The following MACROH2A2 variants were observed in gnomAD, a reference collection of about 807,000 sequenced individuals.
MACROH2A2 encodes the protein macroH2A.2 histone.
Under a neutral mutation model 37.6 loss-of-function variants are expected in MACROH2A2, and 6 were observed. The observed-to-expected ratio is 0.16, with a 90% confidence interval of 0.09 to 0.32. MACROH2A2 has a LOEUF of 0.32. Ranked by LOEUF, MACROH2A2 falls within the 10% of genes least tolerant of loss-of-function variation. MACROH2A2 has a pLI of 1.00. For missense variants in MACROH2A2, 290 were observed against 485.9 expected, an observed-to-expected ratio of 0.60 and a Z score of 3.79; for synonymous variants, 192 against 202.7, an observed-to-expected ratio of 0.95 and a Z score of 0.45.
chr10:70,085,800 A>G (rs1352191926), intron 2 of MACROH2A2, among the ~76,000 whole-genome samples: 1 of 152,224 alleles, frequency 6.6e-6, no homozygotes, highest in Non-Finnish European at 1.5e-5. Context: ...CATTTGCAGT[A>G]GAGTAAATTT....
chr10:70,057,894 G>A (rs2072027064), intron 1 of MACROH2A2, among the ~76,000 whole-genome samples: 1 of 152,080 alleles, frequency 6.6e-6, no homozygotes, highest in South Asian at 2.1e-4. Flanking sequence ...CCCATCACAG[G>A]AAAACGAAAT....
chr10:70,075,886 GT>G lies in MACROH2A2; in HGVS notation c.172+57del. On this transcript the variant is annotated intron_variant, in intron 2 of 8. Transcript: ENST00000373255. The surrounding 1 kb of genome is among the most constrained non-coding windows in gnomAD (Gnocchi z 5.0). ...CTCCCAGGTCCCCACCCTCCCCTGG[GT>G]CCCCCTCGCAGGCTGGGGAGGGATG... 2.7e-6 allele frequency: 4 copies of G among 1,477,138 alleles called. No individual in the cohort carries two copies. The highest frequency in any genetic ancestry group is 2.8e-6 in the Non-Finnish European group (3 of 1,070,672). 91.5% of individuals were successfully genotyped at this position (1,477,138 alleles called of 1,614,324 possible).
intron 6 of MACROH2A2, among the ~76,000 whole-genome samples, chr10:70,097,024 A>G (rs2072280333): frequency 6.6e-6 from 1 of 152,200 alleles, no homozygotes; most frequent in Admixed American, 6.5e-5. Context: ...TAGTAATGAA[A>G]TTTTTATGTA....
At chr10:70,060,378 GAAAGAA>G (rs985439787) in intron 1 of MACROH2A2, among the ~76,000 whole-genome samples, 3 of 150,466 alleles carry the variant, frequency 2.0e-5, no homozygotes, top group Non-Finnish European at 4.4e-5. Context: ...AAAAAAAAAA[GAAAGAA>G]AAAGAAAAAA....
chr10:70,087,236 C>CTT (rs573916118), intron 2 of MACROH2A2, among the ~76,000 whole-genome samples: 3 of 138,716 alleles, frequency 2.2e-5, no homozygotes, highest in African/African-American at 2.6e-5. Context: ...TTTCTTTCTT[C>CTT]TTTTTTTTTT....
At position 70,111,846 on chromosome 10, in the gene MACROH2A2, G is replaced by C; in HGVS notation, c.*163G>C. On this transcript the variant is annotated 3_prime_UTR_variant, in exon 9 of 9. Coordinates refer to ENST00000373255, the MANE Select transcript of MACROH2A2 (RefSeq NM_018649.3). ...CTGCCCTTCACACTCTCCTCCAAAA[G>C]AGCCTCCATCTGTAAGGAAGCAGGT... The C allele has an allele frequency of 2.1e-6, 1 of 469,918 alleles. No homozygotes were observed. 29.1% of individuals were successfully genotyped at this position (469,918 alleles called of 1,614,324 possible).
Position 70,068,400 on chromosome 10 carries a change from C to T in MACROH2A2, c.-59-7200C>T, listed in dbSNP as rs76140029. Among the ~76,000 whole-genome samples, 721 of 152,224 alleles carry T rather than the reference C, an allele frequency of 4.7e-3. 11 individuals are homozygous for T. In the East Asian group the frequency reaches 0.062, roughly 13 times the overall value. ...TTAATAAGTATTCATGTTCTAACAT[C>T]GTACTAGCCATATGGGAAAATAATA... On this transcript the variant is annotated intron_variant, in intron 1 of 8. Coordinates refer to ENST00000373255, the MANE Select transcript of MACROH2A2 (RefSeq NM_018649.3).
intron 2 of MACROH2A2, among the ~76,000 whole-genome samples, chr10:70,078,322 A>G (rs2072153051): frequency 6.6e-6 from 1 of 152,216 alleles, no homozygotes; most frequent in Non-Finnish European, 1.5e-5. Flanking sequence ...CAAGGGTGCC[A>G]TTGCCAAAGT....
intron 3 of MACROH2A2, among the ~76,000 whole-genome samples, chr10:70,091,410 C>A (rs938036049): frequency 6.6e-6 from 1 of 152,078 alleles, no homozygotes; most frequent in Non-Finnish European, 1.5e-5. Flanking sequence ...GCACAGTGGC[C>A]CACGCCTGTA....
chr10:70,075,697 G>A lies in MACROH2A2; in HGVS notation c.39G>A (p.Leu13=), dbSNP rs914253508. 1 of 1,614,192 alleles carries A rather than the reference G, an allele frequency of 6.2e-7. No individual in the cohort carries two copies. Among genetic ancestry groups the A allele is most frequent in the Admixed American group, 1.7e-5 (1 of 60,024 alleles). The change falls in exon 2 of 9, where the codon CTG becomes CTA. Residue 13 remains leucine, a synonymous_variant. Transcript: ENST00000373255. The surrounding 1 kb of genome is among the most constrained non-coding windows in gnomAD (Gnocchi z 5.0). ...GTGGGAAGAAGAAAATGTCCAAGCT[G>A]TCCCGTTCAGCTAGGGCAGGTGTCA... ...GRSGKKKMSK[L]SRSARAGVIF...
intron 2 of MACROH2A2, among the ~76,000 whole-genome samples, 194 bp from the exon 3 acceptor site, chr10:70,089,866 G>T (rs1005545158): frequency 6.6e-6 from 1 of 152,004 alleles, no homozygotes; most frequent in African/African-American, 2.4e-5. Flanking sequence ...GGGCTCAAGC[G>T]ATCCTCCTGC....
At chr10:70,080,324 G>A (rs2072168571) in intron 2 of MACROH2A2, among the ~76,000 whole-genome samples, 1 of 151,808 alleles carries the variant, frequency 6.6e-6, no homozygotes, top group Non-Finnish European at 1.5e-5. Flanking sequence ...AGAAGAGAGA[G>A]CAAAGCAGCT....
intron 1 of MACROH2A2, among the ~76,000 whole-genome samples, chr10:70,058,048 C>A (rs890635173): frequency 6.6e-6 from 1 of 152,192 alleles, no homozygotes; most frequent in Non-Finnish European, 1.5e-5. Flanking sequence ...TCAGATGATA[C>A]TCAGCTTAAT....
intron 7 of MACROH2A2, 107 bp downstream of exon 7, chr10:70,100,404 C>A: frequency 1.6e-6 from 1 of 622,800 alleles, no homozygotes; most frequent in South Asian, 2.2e-5. Flanking sequence ...CAAAGTATGC[C>A]ATAACTAATC....
chr10:70,078,280 A>G (rs1014254808), intron 2 of MACROH2A2, among the ~76,000 whole-genome samples: 1 of 152,210 alleles, frequency 6.6e-6, no homozygotes, highest in Non-Finnish European at 1.5e-5. Context: ...CCATTTATAC[A>G]GTGGGTTGAA....
chr10:70,068,198 T>C (rs990092155), intron 1 of MACROH2A2, among the ~76,000 whole-genome samples: 1 of 152,216 alleles, frequency 6.6e-6, no homozygotes, highest in Non-Finnish European at 1.5e-5. Flanking sequence ...TTTTCCTTAC[T>C]TTAGGGTAAC....
intron 7 of MACROH2A2, 82 bp downstream of exon 7, chr10:70,100,379 A>T: frequency 1.4e-6 from 1 of 730,084 alleles, no homozygotes; most frequent in Non-Finnish European, 2.4e-6. Context: ...CCTCATGCCT[A>T]TTCAGCTTAT....
At chr10:70,104,096 G>A (rs1231986623) in intron 7 of MACROH2A2, among the ~76,000 whole-genome samples, 2 of 152,358 alleles carry the variant, frequency 1.3e-5, no homozygotes, top group South Asian at 2.1e-4. Flanking sequence ...GCCAGTGAGT[G>A]TTAGCACCCT....
chr10:70,109,266 C>A, intron 8 of MACROH2A2, 59 bp downstream of exon 8: 1 of 1,410,820 alleles, frequency 7.1e-7, no homozygotes, highest in Non-Finnish European at 1.0e-6. Flanking sequence ...ATCAGCTGCT[C>A]CCCCACTTAC....
Sources: gnomAD v4.1 joint callset for allele counts (sites outside exome capture counted in the v4.1 genomes callset) on GRCh38, gnomAD v4.1.1 for gene constraint, Gnocchi (gnomAD v3.1) non-coding constraint, MANE v1.5 for transcripts, NCBI Gene and HGNC (gene_info 2026-07-23, HGNC 2026-07-21) for gene names.